The following DIP2C variants were observed in gnomAD, a reference collection of about 807,000 sequenced individuals.
DIP2C encodes DIP2 acetate--CoA ligase C (putative).
A neutral mutation model predicts 192.4 loss-of-function variants in DIP2C; 33 were observed. The observed-to-expected ratio is 0.17, with a 90% confidence interval of 0.13 to 0.23. The LOEUF (loss-of-function observed/expected upper bound fraction) is 0.23, where lower values mean the gene tolerates loss of function less well. DIP2C is among the 10% of genes least tolerant of loss of function. The pLI is 1.00. For missense variants in DIP2C, 1,537 were observed against 2,110.1 expected, an observed-to-expected ratio of 0.73 and a Z score of 5.32; for synonymous variants, 979 against 864.1, an observed-to-expected ratio of 1.13 and a Z score of -2.33.
intron 1 of DIP2C, among the ~76,000 whole-genome samples, chr10:631,993 G>C (rs1373482225): frequency 6.6e-6 from 1 of 152,194 alleles, no homozygotes; most frequent in African/African-American, 2.4e-5. Flanking sequence ...CGTAATCAAA[G>C]ATTACTTTTA....
intron 32 of DIP2C, 151 bp from the exon 33 acceptor site, chr10:288,572 G>T: frequency 1.3e-6 from 1 of 780,760 alleles, no homozygotes; most frequent in Non-Finnish European, 2.1e-6. Flanking sequence ...AGAAAGAGCA[G>T]CCCAGCAGCA....
chr10:580,145 A>C (rs1184739935), intron 1 of DIP2C, among the ~76,000 whole-genome samples: 1 of 152,164 alleles, frequency 6.6e-6, no homozygotes, highest in Non-Finnish European at 1.5e-5. Flanking sequence ...TAGTGTACAC[A>C]TATCCGATGT....
At chr10:484,898 C>T (rs772263317) in intron 2 of DIP2C, 18 of 1,611,810 alleles carry the variant, frequency 1.1e-5, no homozygotes, top group Non-Finnish European at 1.4e-5. Context: ...CTCCTCGGCG[C>T]TCCTTCACTG....
intron 1 of DIP2C, among the ~76,000 whole-genome samples, chr10:659,083 AAC>A (rs1457080231): frequency 6.6e-6 from 1 of 152,172 alleles, no homozygotes; most frequent in Non-Finnish European, 1.5e-5. Context: ...ACAACACTCA[AAC>A]ACACATGCAT....
chr10:535,635 GTTCT>G (rs1554893940), intron 1 of DIP2C, among the ~76,000 whole-genome samples: 4 of 152,148 alleles, frequency 2.6e-5, no homozygotes, highest in Non-Finnish European at 4.4e-5. Context: ...CTGACCTCAA[GTTCT>G]TTATTTGTCC....
At chr10:294,703 T>A (rs1014343376) in intron 32 of DIP2C, among the ~76,000 whole-genome samples, 1 of 152,068 alleles carries the variant, frequency 6.6e-6, no homozygotes, top group Non-Finnish European at 1.5e-5. Context: ...TCCATGACAT[T>A]CACTTGCATC....
intron 1 of DIP2C, among the ~76,000 whole-genome samples, chr10:494,005 G>A (rs1027617352): frequency 1.3e-5 from 2 of 152,174 alleles, no homozygotes; most frequent in South Asian, 2.1e-4. Flanking sequence ...AGGGGGAGGA[G>A]GACAACTGGA....
intron 1 of DIP2C, among the ~76,000 whole-genome samples, chr10:645,020 C>T (rs1361780566): frequency 6.6e-6 from 1 of 152,118 alleles, no homozygotes; most frequent in Non-Finnish European, 1.5e-5. Context: ...TGGATGTTCC[C>T]GACAAGACAA....
At chr10:484,209 G>T (rs1359242863) in intron 2 of DIP2C, among the ~76,000 whole-genome samples, 1 of 152,198 alleles carries the variant, frequency 6.6e-6, no homozygotes, top group African/African-American at 2.4e-5. Context: ...AAAATGCACT[G>T]AACTCCCTTT....
At chr10:371,515 G>T (rs771683424) in intron 17 of DIP2C, among the ~76,000 whole-genome samples, 2 of 152,222 alleles carry the variant, frequency 1.3e-5, no homozygotes, top group African/African-American at 4.8e-5. Context: ...GAAAAGAGAG[G>T]TCCTGACACA....
rs112648808 is a variant in DIP2C, at chr10:338,059, A to G, written c.3584+3140T>C. On this transcript the variant is annotated intron_variant, in intron 29 of 36. Coordinates refer to ENST00000280886, the MANE Select transcript of DIP2C (RefSeq NM_014974.3). ...ATGCGTGTATATATTAGTTTTTAAC[A>G]AAAGCTTCAAATGTTTTTTAAAATT... is the stretch of plus-strand genomic sequence containing the variant. Among the ~76,000 whole-genome samples, 1,229 of 152,330 alleles carry G rather than the reference A, an allele frequency of 8.1e-3. 14 individuals are homozygous for G. Among genetic ancestry groups the G allele is most frequent in the African/African-American group, 0.028 (1,167 of 41,556 alleles).
chr10:614,523 G>A (rs1302234517), intron 1 of DIP2C, among the ~76,000 whole-genome samples: 2 of 152,178 alleles, frequency 1.3e-5, no homozygotes, highest in African/African-American at 2.4e-5. Flanking sequence ...TCCAGCCAAG[G>A]TGCCCTCACC....
intron 1 of DIP2C, among the ~76,000 whole-genome samples, chr10:574,479 G>C (rs527425793): frequency 2.0e-5 from 3 of 152,188 alleles, no homozygotes; most frequent in African/African-American, 7.2e-5. Flanking sequence ...GTGTGACAAC[G>C]GAAGGACTCT....
chr10:483,534 TGGGCCTCAATCAGGCGGCCC>T (rs990450455), intron 2 of DIP2C, among the ~76,000 whole-genome samples: 2 of 152,252 alleles, frequency 1.3e-5, no homozygotes, highest in African/African-American at 4.8e-5. Flanking sequence ...GTCTGGTGTC[TGGGCCTCAATCAGGCGGCCC>T]GGGCCGTCCT....
intron 14 of DIP2C, among the ~76,000 whole-genome samples, chr10:386,444 A>G (rs1267842533): frequency 6.6e-6 from 1 of 152,188 alleles, no homozygotes; most frequent in African/African-American, 2.4e-5. Context: ...CCACTGCACC[A>G]GCACATAACG....
In DIP2C at chr10:640,719, G is replaced by A. The variant is rs1444883116; in HGVS notation, c.85+48775C>T. 1.4e-3 allele frequency among the ~76,000 whole-genome samples: 3 copies of A among 2,178 alleles called. 1 individual carries two copies. 1.4% of individuals were successfully genotyped at this position (2,178 alleles called of 152,430 possible). ...AGGCTGCGCGCGGGGAAGAGGCTGCGCGCGGGGAAGAGGGTGGGCGCCGGG... is the reference window on the plus strand; with the variant it reads ...AGGCTGCGCGCGGGGAAGAGGCTGCACGCGGGGAAGAGGGTGGGCGCCGGG... On this transcript the variant is annotated intron_variant, in intron 1 of 36. Coordinates refer to ENST00000280886, the MANE Select transcript of DIP2C (RefSeq NM_014974.3).
intron 1 of DIP2C, among the ~76,000 whole-genome samples, chr10:508,719 G>A (rs1845801962): frequency 6.6e-6 from 1 of 150,644 alleles, no homozygotes; most frequent in Admixed American, 6.6e-5. Flanking sequence ...ATGTTTGCTT[G>A]CTGCCACCCT....
chr10:512,509 A>C (rs1846080719), intron 1 of DIP2C, among the ~76,000 whole-genome samples: 2 of 151,328 alleles, frequency 1.3e-5, no homozygotes, highest in African/African-American at 4.9e-5. Flanking sequence ...GTGATCACCC[A>C]GGAGGTGAAG....
At chr10:280,104 C>A (rs761035378) in intron 36 of DIP2C, among the ~76,000 whole-genome samples, 8 of 152,050 alleles carry the variant, frequency 5.3e-5, no homozygotes, top group Non-Finnish European at 8.8e-5. Context: ...TCAAGGAAAT[C>A]GACAATCTGA....
Sources: gnomAD v4.1 joint callset for allele counts (sites outside exome capture counted in the v4.1 genomes callset) on GRCh38, gnomAD v4.1.1 for gene constraint, MANE v1.5 for transcripts, NCBI Gene and HGNC (gene_info 2026-07-23, HGNC 2026-07-21) for gene names.